SPNS2: variants seen among roughly 807,000 people sequenced by gnomAD.
The protein encoded by SPNS2 is SPNS lysolipid transporter 2, sphingosine-1-phosphate, also known as sphingosine-1-phosphate transporter SPNS2.
In SPNS2, 37 loss-of-function variants were observed where a neutral mutation model predicts 57.6. The observed-to-expected ratio is 0.64, with a 90% CI of 0.49 to 0.85. SPNS2 has a LOEUF of 0.85. Among genes scored for constraint, SPNS2 ranks in the 40% least tolerant of loss-of-function variants. The pLI is 0.00. For synonymous variants in SPNS2, 440 were observed against 346.9 expected, an observed-to-expected ratio of 1.27 and a Z score of -2.98; for missense variants, 831 against 779.1, an observed-to-expected ratio of 1.07 and a Z score of -0.79.
chr17:4,516,316 C>CAAAAAA (rs67710825), intron 2 of SPNS2, among the ~76,000 whole-genome samples: 8 of 67,494 alleles, frequency 1.2e-4, no homozygotes, highest in African/African-American at 3.0e-4. Flanking sequence ...TCTATCTCCC[C>CAAAAAA]AAAAAAAAAA....
At chr17:4,524,990 G>C in intron 2 of SPNS2, 67 bp from the exon 3 acceptor site, 1 of 1,584,586 alleles carries the variant, frequency 6.3e-7, no homozygotes, top group Non-Finnish European at 8.6e-7. Context: ...CCAAGCCGGA[G>C]TGAAATGGGC....
At position 4,537,045 on chromosome 17, in the gene SPNS2, C is replaced by T. The variant is rs1250202259; in HGVS notation, c.*4+99C>T. 18 of 1,242,710 alleles carry T rather than the reference C, an allele frequency of 1.4e-5. No individual in the cohort carries two copies. In the East Asian group the frequency reaches 4.0e-4, roughly 28 times the overall value. 77.0% of individuals were successfully genotyped at this position (1,242,710 alleles called of 1,614,324 possible). A position where few individuals can be genotyped will look rare whatever the true frequency, so the allele number is the denominator to read the frequency against. ...CTTTTCCTCCAGAGTCACCTCCTAC[C>T]CCAGCACATCCCACCAACTCTGGGC... On this transcript the variant is annotated intron_variant, in intron 12 of 12. Coordinates refer to ENST00000329078, the MANE Select transcript of SPNS2 (RefSeq NM_001124758.3).
chr17:4,503,020 T>A (rs1011900033), intron 1 of SPNS2, among the ~76,000 whole-genome samples: 3 of 152,226 alleles, frequency 2.0e-5, no homozygotes, highest in African/African-American at 7.2e-5. Flanking sequence ...GCTCCTGTGC[T>A]TGCTCTTCTT....
rs569404883 is a variant in SPNS2, at chr17:4,536,488, C to T, written c.1607+62C>T. On this transcript the variant is annotated intron_variant, in intron 11 of 12. Transcript: ENST00000329078. ...GGGAAGCAGGGACCGTGATAGCCAC[C>T]GTGAGCCCTGCCCTGGGGTGGGGCG... The T allele has an allele frequency of 1.2e-4, 188 of 1,532,710 alleles. 1 individual carries two copies. Among genetic ancestry groups the T allele is most frequent in the African/African-American group, 1.1e-3 (82 of 74,176 alleles). The allele number at this position is 1,532,710 out of a possible 1,614,324, so 94.9% of individuals were successfully genotyped here.
rs1905993012 is a variant in SPNS2, at chr17:4,538,392, C to T, written c.*944C>T. ...AGCAGCTATCCACAAAGCTTCCTGCCCCAGAGCTGAGGCTGAGGCCCCGGG... is the reference window on the plus strand; with the variant it reads ...AGCAGCTATCCACAAAGCTTCCTGCTCCAGAGCTGAGGCTGAGGCCCCGGG... On this transcript the variant is annotated 3_prime_UTR_variant, in exon 13 of 13. Coordinates refer to ENST00000329078, the MANE Select transcript of SPNS2 (RefSeq NM_001124758.3). The T allele has an allele frequency of 5.3e-6, 1 of 190,042 alleles. No homozygotes were observed. The highest frequency in any genetic ancestry group is 2.4e-5 in the African/African-American group (1 of 41,750). 11.8% of individuals were successfully genotyped at this position (190,042 alleles called of 1,614,324 possible). A position where few individuals can be genotyped will look rare whatever the true frequency, so the allele number is the denominator to read the frequency against.
intron 1 of SPNS2, among the ~76,000 whole-genome samples, chr17:4,503,715 C>A (rs2144303222): frequency 6.6e-6 from 1 of 152,344 alleles, no homozygotes; most frequent in Non-Finnish European, 1.5e-5. Context: ...CCCTTTGATC[C>A]AGCCTGGGGC....
At position 4,519,510 on chromosome 17, in the gene SPNS2, G is replaced by A. The variant is rs546747092; in HGVS notation, c.437-5547G>A. ...TGGCCCAAGACCCCGAGGCAGGCGGGCTGGTCTGACCCCTCCCTCCCTGCT... is the reference window on the plus strand; with the variant it reads ...TGGCCCAAGACCCCGAGGCAGGCGGACTGGTCTGACCCCTCCCTCCCTGCT... On this transcript the variant is annotated intron_variant, in intron 2 of 12. Transcript: ENST00000329078. Among the ~76,000 whole-genome samples, 4 of 143,842 alleles carry A rather than the reference G, an allele frequency of 2.8e-5. No homozygotes were observed. The East Asian group carries it at 6.2e-4, about 22-fold the overall frequency. The allele number at this position is 143,842 out of a possible 152,430, so 94.4% of individuals were successfully genotyped here.
chr17:4,532,429 T>G, intron 5 of SPNS2, 113 bp from the exon 6 acceptor site: 1 of 1,482,076 alleles, frequency 6.7e-7, no homozygotes, highest in Non-Finnish European at 9.3e-7. Flanking sequence ...AGATACCTGC[T>G]CAGAGGAGAA....
intron 10 of SPNS2, 35 bp from the exon 11 acceptor site, chr17:4,536,228 G>A (rs867030952): frequency 6.2e-7 from 1 of 1,609,322 alleles, no homozygotes; most frequent in Non-Finnish European, 8.5e-7. Flanking sequence ...CTGCAGGAGG[G>A]CTCTGCCCTG....
intron 12 of SPNS2, 42 bp from the exon 13 acceptor site, chr17:4,537,411 C>T (rs1442934451): frequency 1.1e-4 from 46 of 420,920 alleles, no homozygotes; most frequent in Admixed American, 7.3e-4. Flanking sequence ...TTGGCACAGG[C>T]CCCACTAAGC....
At chr17:4,513,351 G>C in intron 2 of SPNS2, 39 bp downstream of exon 2, 5 of 1,608,210 alleles carry the variant, frequency 3.1e-6, no homozygotes, top group Non-Finnish European at 4.3e-6. Flanking sequence ...ACGCCCAGGC[G>C]TTGGCGTCGT....
chr17:4,527,580 G>A (rs1905292155), intron 3 of SPNS2, among the ~76,000 whole-genome samples: 1 of 152,154 alleles, frequency 6.6e-6, no homozygotes, highest in African/African-American at 2.4e-5. Context: ...AAATGGGCAC[G>A]GGATAGCTAC....
intron 9 of SPNS2, chr17:4,534,294 G>A (rs954632879): frequency 4.5e-6 from 1 of 223,324 alleles, no homozygotes; most frequent in Admixed American, 5.0e-5. Context: ...ATGGGCTCTA[G>A]CCCAGCCAGC....
At position 4,534,891 on chromosome 17, in the gene SPNS2, CT is replaced by C. The variant is rs1488146341; in HGVS notation, c.1344+1039del. Among the ~76,000 whole-genome samples the C allele has an allele frequency of 5.9e-5, 9 of 152,248 alleles. No homozygotes were observed. In the South Asian group the frequency reaches 8.3e-4, roughly 14 times the overall value. ...TCCTGCCTCCACCCCCAGGGAGCGC[CT>C]GACAGCTGCCGGCAGGGTCAGGGTC... On this transcript the variant is annotated intron_variant, in intron 9 of 12. Coordinates refer to ENST00000329078, the MANE Select transcript of SPNS2 (RefSeq NM_001124758.3).
chr17:4,525,328 CAGA>C (rs1905238845), intron 3 of SPNS2, 135 bp downstream of exon 3: 2 of 1,269,934 alleles, frequency 1.6e-6, no homozygotes, highest in Non-Finnish European at 2.2e-6. Context: ...CTTCCCAGTG[CAGA>C]AGGACAGGTG....
chr17:4,502,737 A>G (rs1392790324), intron 1 of SPNS2, among the ~76,000 whole-genome samples: 1 of 152,166 alleles, frequency 6.6e-6, no homozygotes, highest in Non-Finnish European at 1.5e-5. Context: ...CACGAGTGCC[A>G]GCTGCCTTCT....
At chr17:4,532,482 T>G in intron 5 of SPNS2, 60 bp from the exon 6 acceptor site, 1 of 1,612,840 alleles carries the variant, frequency 6.2e-7, no homozygotes, top group Non-Finnish European at 8.5e-7. Context: ...GAGTCCCTCC[T>G]TCTGCAGCAG....
At chr17:4,533,927 G>A in intron 9 of SPNS2, 74 bp downstream of exon 9, 2 of 1,248,744 alleles carry the variant, frequency 1.6e-6, no homozygotes, top group Non-Finnish European at 2.3e-6. Context: ...GCCTGGGGAG[G>A]GCGGGTGAAG....
chr17:4,520,759 TG>T (rs1208549664), intron 2 of SPNS2, among the ~76,000 whole-genome samples: 1 of 152,082 alleles, frequency 6.6e-6, no homozygotes, highest in Non-Finnish European at 1.5e-5. Flanking sequence ...TCTGCCAAAC[TG>T]GGATTTAAAT....
Sources: gnomAD v4.1 joint callset for allele counts (sites outside exome capture counted in the v4.1 genomes callset) on GRCh38, gnomAD v4.1.1 for gene constraint, MANE v1.5 for transcripts, NCBI Gene and HGNC (gene_info 2026-07-23, HGNC 2026-07-21) for gene names.